PTPRT: variants seen among roughly 807,000 people sequenced by gnomAD.
The protein encoded by PTPRT is receptor-type tyrosine-protein phosphatase T.
In PTPRT, 56 loss-of-function variants were observed where a neutral mutation model predicts 176.8. The observed-to-expected ratio is 0.32, with a 90% CI of 0.26 to 0.40. The LOEUF is 0.40. Ranked by LOEUF, PTPRT falls within the 10% of genes least tolerant of loss-of-function variation. The pLI is 1.00. For synonymous variants in PTPRT, 783 were observed against 739.0 expected (o/e 1.06, Z -0.96); for missense variants, 1,540 against 1,908.2 (o/e 0.81, Z 3.60).
At chr20:42,646,811 C>G (rs1600541730) in intron 7 of PTPRT, among the ~76,000 whole-genome samples, 2 of 150,596 alleles carry the variant, frequency 1.3e-5, no homozygotes, top group East Asian at 3.9e-4. Context: ...ACAGGTTCCT[C>G]CCTCAATAAA....
chr20:42,102,085 GA>G (rs746740073), intron 26 of PTPRT, 38 bp downstream of exon 26: 2 of 1,596,134 alleles, frequency 1.3e-6, no homozygotes, highest in Admixed American at 3.4e-5. Flanking sequence ...ATTTGCCCTA[GA>G]ATGCCAGCTA....
At position 43,037,913 on chromosome 20, in the gene PTPRT, A is replaced by G. The variant is rs1288377853; in HGVS notation, c.88+151733T>C. ...ACCCTTGTTGGTCTCCTTCTCTTCCATCTGTTTTTCCTGAGAACACTTCTG... is the reference window on the plus strand; with the variant it reads ...ACCCTTGTTGGTCTCCTTCTCTTCCGTCTGTTTTTCCTGAGAACACTTCTG... On this transcript the variant is annotated intron_variant, in intron 1 of 30. Coordinates refer to ENST00000373187, the MANE Select transcript of PTPRT (RefSeq NM_007050.6). Among the ~76,000 whole-genome samples the G allele has an allele frequency of 2.0e-5, 3 of 152,154 alleles. No individual in the cohort carries two copies. The East Asian group carries it at 5.8e-4, about 29-fold the overall frequency.
the PTPRT span, among the ~76,000 whole-genome samples, chr20:42,059,174 A>C: frequency 6.6e-6 from 1 of 152,214 alleles, no homozygotes; most frequent in Non-Finnish European, 1.5e-5. Flanking sequence ...CCCAGGCCAC[A>C]CAGCAAGACA....
Position 42,073,943 on chromosome 20 carries a change from T to C in PTPRT, c.*6936A>G, listed in dbSNP as rs1048944679. 35 of 230,254 alleles carry C rather than the reference T, an allele frequency of 1.5e-4. No individual in the cohort carries two copies. Among genetic ancestry groups the C allele is most frequent in the African/African-American group, 7.3e-4 (33 of 45,168 alleles). 14.3% of individuals were successfully genotyped at this position (230,254 alleles called of 1,614,324 possible). ...TAGACAGCTGCTGAGATGGGCAGCT[T>C]ATCCTCTCTGGCAGACAGCAGGTTC... On this transcript the variant is annotated 3_prime_UTR_variant, in exon 31 of 31. Coordinates refer to ENST00000373187, the MANE Select transcript of PTPRT (RefSeq NM_007050.6).
intron 7 of PTPRT, among the ~76,000 whole-genome samples, chr20:42,608,109 G>T (rs2073911745): frequency 6.6e-6 from 1 of 152,096 alleles, no homozygotes; most frequent in Non-Finnish European, 1.5e-5. Context: ...TAACCAGAGG[G>T]TAGACTTGCA....
intron 11 of PTPRT, among the ~76,000 whole-genome samples, chr20:42,346,295 G>A (rs930718028): frequency 6.6e-6 from 1 of 152,172 alleles, no homozygotes; most frequent in East Asian, 1.9e-4. Context: ...CCTCACTTCA[G>A]GGACTGCATT....
At chr20:42,682,922 G>C (rs2075627799) in intron 6 of PTPRT, among the ~76,000 whole-genome samples, 1 of 152,180 alleles carries the variant, frequency 6.6e-6, no homozygotes, top group Non-Finnish European at 1.5e-5. Flanking sequence ...GTTTCAAATA[G>C]CTGGAGATGG....
At chr20:42,282,676 C>A in intron 12 of PTPRT, 151 bp from the exon 13 acceptor site, 1 of 635,936 alleles carries the variant, frequency 1.6e-6, no homozygotes, top group Non-Finnish European at 2.6e-6. Context: ...ATTTTTTTCC[C>A]CATCGGATGA....
Position 43,100,786 on chromosome 20 carries a change from G to T in PTPRT, c.88+88860C>A, listed in dbSNP as rs115511556. Among the ~76,000 whole-genome samples the T allele has an allele frequency of 3.7e-3, 571 of 152,294 alleles. 3 individuals are homozygous for T. The highest frequency in any genetic ancestry group is 0.013 in the African/African-American group (544 of 41,548). ...GGGACACCCAGACAGGCATAATAGC[G>T]CAAAGAGGGAAGGTGCCCAGGTGGG... On this transcript the variant is annotated intron_variant, in intron 1 of 30. Transcript: ENST00000373187.
At chr20:42,090,872 C>T (rs1984543521) in intron 27 of PTPRT, among the ~76,000 whole-genome samples, 1 of 152,200 alleles carries the variant, frequency 6.6e-6, no homozygotes, top group Non-Finnish European at 1.5e-5. Flanking sequence ...TTGGCTGATC[C>T]AAGAATAGAT....
intron 1 of PTPRT, among the ~76,000 whole-genome samples, chr20:42,929,848 G>A (rs529805303): frequency 3.9e-5 from 6 of 152,350 alleles, no homozygotes; most frequent in African/African-American, 1.4e-4. Context: ...CTAAGGATTA[G>A]CAGTTGCCAT....
chr20:42,172,314 C>T (rs1990112618), intron 16 of PTPRT, among the ~76,000 whole-genome samples: 1 of 152,026 alleles, frequency 6.6e-6, no homozygotes, highest in Non-Finnish European at 1.5e-5. Context: ...AAAACACCAA[C>T]AAATTAGACA....
chr20:42,066,231 A>G, the PTPRT span, among the ~76,000 whole-genome samples: 2 of 151,640 alleles, frequency 1.3e-5, no homozygotes, highest in Non-Finnish European at 2.9e-5. Flanking sequence ...TAATAGAGAC[A>G]GGGTTTCACC....
chr20:42,383,843 C>T (rs1163274378), intron 9 of PTPRT, among the ~76,000 whole-genome samples: 1 of 152,124 alleles, frequency 6.6e-6, no homozygotes, highest in African/African-American at 2.4e-5. Flanking sequence ...GTGACGCAGA[C>T]TTTATGCCCC....
intron 17 of PTPRT, among the ~76,000 whole-genome samples, chr20:42,143,071 G>A (rs1180680420): frequency 6.6e-6 from 1 of 152,182 alleles, no homozygotes; most frequent in African/African-American, 2.4e-5. Context: ...GCGGATGGGG[G>A]AGTCCAGATT....
intron 28 of PTPRT, 74 bp downstream of exon 28, chr20:42,085,654 G>A (rs1381548145): frequency 1.3e-5 from 21 of 1,585,514 alleles, no homozygotes; most frequent in African/African-American, 6.7e-5. Context: ...CTGGCTCAGC[G>A]GGATCCTCTC....
chr20:42,558,001 C>T (rs561971712), intron 7 of PTPRT, among the ~76,000 whole-genome samples: 1 of 152,280 alleles, frequency 6.6e-6, no homozygotes, highest in African/African-American at 2.4e-5. Flanking sequence ...TAAACTTTTA[C>T]ATTCAGGGGT....
intron 1 of PTPRT, among the ~76,000 whole-genome samples, chr20:43,146,687 C>T (rs765768561): frequency 1.3e-5 from 2 of 152,128 alleles, no homozygotes; most frequent in East Asian, 1.9e-4. Flanking sequence ...GCTGACACCT[C>T]GGGTCCTCTC....
chr20:42,109,187 T>C (rs1986798028), intron 23 of PTPRT, among the ~76,000 whole-genome samples: 1 of 152,228 alleles, frequency 6.6e-6, no homozygotes, highest in Non-Finnish European at 1.5e-5. Flanking sequence ...CGGGGCTGGC[T>C]CTGAGACATC....
Sources: allele counts gnomAD v4.1 joint callset (sites outside exome capture counted in the v4.1 genomes callset), GRCh38; gene constraint gnomAD v4.1.1; transcripts MANE v1.5; gene names NCBI Gene and HGNC (gene_info 2026-07-23, HGNC 2026-07-21).